Variants in APOO observed in about 807,000 individuals in gnomAD.
APOO encodes the protein apolipoprotein O.
APOO carries 11 observed loss-of-function variants against 23.1 expected under a neutral mutation model. That is an observed-to-expected ratio of 0.48 (90% CI 0.30 to 0.79). APOO has a LOEUF of 0.79. APOO is among the 30% of genes least tolerant of loss of function. The probability of loss-of-function intolerance (pLI) is 0.07; values close to 1 mark genes in which losing one functional copy is unlikely to be tolerated. For synonymous variants in APOO, 59 were observed against 54.8 expected (o/e 1.08, Z -0.34); for missense variants, 160 against 142.7 (o/e 1.12, Z -0.62).
chrX:23,901,663 G>A (rs1927138174), intron 1 of APOO, among the ~76,000 whole-genome samples: 1 of 111,997 alleles, frequency 8.9e-6, no homozygotes, highest in Admixed American at 9.5e-5. Context: ...CGTAACACAG[G>A]TAGTTACAAG....
At chrX:23,873,396 C>G (rs896754456) in intron 4 of APOO, among the ~76,000 whole-genome samples, 8 of 111,360 alleles carry the variant, frequency 7.2e-5, no homozygotes, top group African/African-American at 2.6e-4. Context: ...CACTTGAGGT[C>G]AGGAGTTTGA....
intron 1 of APOO, among the ~76,000 whole-genome samples, chrX:23,897,131 A>G (rs759401720): frequency 8.9e-6 from 1 of 112,029 alleles, no homozygotes; most frequent in Admixed American, 9.5e-5. Flanking sequence ...TGTTTTCAAG[A>G]CTAATATTAT....
intron 1 of APOO, among the ~76,000 whole-genome samples, chrX:23,907,087 C>T (rs187556742): frequency 8.9e-6 from 1 of 111,876 alleles, no homozygotes; most frequent in Non-Finnish European, 1.9e-5. Flanking sequence ...TGCAGATTTT[C>T]GAAATTAAGT....
intron 1 of APOO, among the ~76,000 whole-genome samples, chrX:23,882,070 T>C (rs924352454): frequency 9.0e-6 from 1 of 111,028 alleles, no homozygotes; most frequent in Non-Finnish European, 1.9e-5. Flanking sequence ...TGCCTAATAA[T>C]TGTGATGGGC....
chrX:23,886,606 G>A (rs1197238319), intron 1 of APOO, among the ~76,000 whole-genome samples: 2 of 111,466 alleles, frequency 1.8e-5, no homozygotes, highest in African/African-American at 6.5e-5. Flanking sequence ...GAAACCCATG[G>A]GAGGAGCCTT....
At chrX:23,885,127 G>A (rs1926311265) in intron 1 of APOO, among the ~76,000 whole-genome samples, 2 of 109,739 alleles carry the variant, frequency 1.8e-5, no homozygotes, top group Admixed American at 9.8e-5. Context: ...GGCCGGGTGC[G>A]GTGGCTCACG....
chrX:23,892,596 A>G (rs972295532), intron 1 of APOO, among the ~76,000 whole-genome samples: 3 of 108,637 alleles, frequency 2.8e-5, no homozygotes, highest in African/African-American at 1.0e-4. Flanking sequence ...GTGAAACCCC[A>G]TCTCTACTAA....
intron 7 of APOO, 112 bp from the exon 8 acceptor site, chrX:23,840,489 G>C: frequency 4.7e-6 from 3 of 638,386 alleles, no homozygotes; most frequent in Non-Finnish European, 6.9e-6. Context: ...ATGGGGGACA[G>C]GGTCAAACCA....
chrX:23,873,416 G>A (rs569817196), intron 4 of APOO, among the ~76,000 whole-genome samples: 63 of 111,092 alleles, frequency 5.7e-4, no homozygotes, highest in African/African-American at 1.9e-3. Context: ...AGACCAGCCC[G>A]GCTAACAAGG....
intron 7 of APOO, among the ~76,000 whole-genome samples, chrX:23,852,228 C>A (rs980135320): frequency 9.0e-6 from 1 of 110,910 alleles, no homozygotes; most frequent in Non-Finnish European, 1.9e-5. Flanking sequence ...CTGGCCAGCA[C>A]CCTGTTTTAA....
chrX:23,858,966 C>T (rs962412490), intron 5 of APOO, among the ~76,000 whole-genome samples: 4 of 111,099 alleles, frequency 3.6e-5, no homozygotes, highest in Admixed American at 2.9e-4. Context: ...ATTAGCCAGG[C>T]GTGGTAGTGT....
chrX:23,878,785 C>A, intron 3 of APOO, 130 bp downstream of exon 3: 3 of 885,275 alleles, frequency 3.4e-6, no homozygotes, highest in Non-Finnish European at 4.6e-6. Flanking sequence ...CCCCACTACC[C>A]TTCCCAGCCT....
chrX:23,835,154 C>T (rs1309795307), intron 8 of APOO, among the ~76,000 whole-genome samples: 3 of 107,054 alleles, frequency 2.8e-5, no homozygotes, highest in South Asian at 4.3e-4. Context: ...CTCCATCTCC[C>T]GGGTTCAAGC....
intron 1 of APOO, among the ~76,000 whole-genome samples, chrX:23,894,794 T>C (rs1248278045): frequency 9.3e-6 from 1 of 107,693 alleles, no homozygotes; most frequent in African/African-American, 3.4e-5. Flanking sequence ...GAAACTCCGC[T>C]TAAAAAAAAA....
At chrX:23,867,154 T>G (rs957985432) in intron 5 of APOO, among the ~76,000 whole-genome samples, 8 of 111,290 alleles carry the variant, frequency 7.2e-5, no homozygotes, top group Admixed American at 1.9e-4. Flanking sequence ...GAAACTAAAC[T>G]AAACTAAAGT....
chrX:23,844,261 T>TA (rs1465241370), intron 7 of APOO, among the ~76,000 whole-genome samples: 3 of 111,783 alleles, frequency 2.7e-5, no homozygotes, highest in African/African-American at 9.7e-5. Context: ...AATGACCTGT[T>TA]AAAGACCCCA....
chrX:23,849,583 T>TAAAA (rs143362355), intron 7 of APOO, among the ~76,000 whole-genome samples: 697 of 32,583 alleles, frequency 0.021, 85 homozygotes, highest in African/African-American at 0.068. Context: ...AAGAGAGACT[T>TAAAA]AAAAAAAAAA....
chrX:23,853,163 C>A (rs993204267), intron 7 of APOO, among the ~76,000 whole-genome samples: 1 of 111,143 alleles, frequency 9.0e-6, no homozygotes, highest in African/African-American at 3.3e-5. Context: ...GAGGTTGAGA[C>A]AGGAGAATGG....
chrX:23,873,381 C>A (rs1221321314), intron 4 of APOO, among the ~76,000 whole-genome samples: 2 of 111,329 alleles, frequency 1.8e-5, no homozygotes, highest in Non-Finnish European at 3.8e-5. Context: ...CCGAGGCGGG[C>A]AGATCACTTG....
Sources: gnomAD v4.1 joint callset for allele counts (sites outside exome capture counted in the v4.1 genomes callset) on GRCh38, gnomAD v4.1.1 for gene constraint, MANE v1.5 for transcripts, NCBI Gene and HGNC (gene_info 2026-07-23, HGNC 2026-07-21) for gene names.